Variants in PLPPR1 observed in about 807,000 individuals in gnomAD.
The protein encoded by PLPPR1 is phospholipid phosphatase related 1.
Under a neutral mutation model 33.1 loss-of-function variants are expected in PLPPR1, and 10 were observed. The observed-to-expected ratio is 0.30, with a 90% CI of 0.19 to 0.51. PLPPR1 has a LOEUF of 0.51. Among genes scored for constraint, PLPPR1 ranks in the 20% least tolerant of loss-of-function variants. The pLI, the probability that PLPPR1 is intolerant of heterozygous loss-of-function variation, is 0.97. For missense variants in PLPPR1, 304 were observed against 408.1 expected, an observed-to-expected ratio of 0.74 and a Z score of 2.20; for synonymous variants, 151 against 151.0, an observed-to-expected ratio of 1.00 and a Z score of 0.00.
chr9:101,203,230 A>G (rs1038196983), intron 2 of PLPPR1, among the ~76,000 whole-genome samples: 1 of 152,178 alleles, frequency 6.6e-6, no homozygotes, highest in Admixed American at 6.5e-5. Flanking sequence ...TATGTTACAG[A>G]TGGAGCAAGA....
At chr9:101,177,421 G>A (rs1275724066) in intron 1 of PLPPR1, among the ~76,000 whole-genome samples, 1 of 152,128 alleles carries the variant, frequency 6.6e-6, no homozygotes, top group Non-Finnish European at 1.5e-5. Flanking sequence ...CATTGTTAGT[G>A]TATAGAAACA....
intron 1 of PLPPR1, among the ~76,000 whole-genome samples, chr9:101,033,147 A>G (rs1296616444): frequency 6.6e-6 from 1 of 152,160 alleles, no homozygotes; most frequent in Non-Finnish European, 1.5e-5. Context: ...CCCTTACTGA[A>G]CCAAGCCCAA....
intron 1 of PLPPR1, among the ~76,000 whole-genome samples, chr9:101,145,455 C>G (rs1287152137): frequency 6.6e-6 from 1 of 152,082 alleles, no homozygotes; most frequent in South Asian, 2.1e-4. Context: ...GATCTTGGCT[C>G]ACTGCAACCT....
intron 1 of PLPPR1, among the ~76,000 whole-genome samples, chr9:101,061,442 T>C (rs1440176763): frequency 6.6e-6 from 1 of 151,978 alleles, no homozygotes; most frequent in African/African-American, 2.4e-5. Flanking sequence ...CTCTGCATGA[T>C]ACACTTCTGA....
intron 1 of PLPPR1, chr9:101,131,687 C>G (rs1484630193): frequency 6.6e-6 from 1 of 152,172 alleles, no homozygotes; most frequent in Non-Finnish European, 1.5e-5. Context: ...TCCACAGAGT[C>G]TGAGAAAGGT....
intron 1 of PLPPR1, among the ~76,000 whole-genome samples, chr9:101,072,145 C>T (rs538429532): frequency 9.2e-5 from 14 of 152,248 alleles, no homozygotes; most frequent in Admixed American, 3.3e-4. Flanking sequence ...GATATCCCTA[C>T]AGTCTAGCGT....
intron 2 of PLPPR1, among the ~76,000 whole-genome samples, chr9:101,231,155 CAG>C (rs1827176433): frequency 6.6e-6 from 1 of 151,866 alleles, no homozygotes; most frequent in Admixed American, 6.6e-5. Context: ...GCTCCAAGGC[CAG>C]AGTTTTTCTT....
At chr9:101,236,328 A>G (rs1052265546) in intron 2 of PLPPR1, among the ~76,000 whole-genome samples, 12 of 151,762 alleles carry the variant, frequency 7.9e-5, no homozygotes, top group African/African-American at 2.4e-4. Context: ...CTTTTGCTGT[A>G]ACAAATCTAA....
At chr9:101,079,583 CTT>C (rs11361751) in intron 1 of PLPPR1, among the ~76,000 whole-genome samples, 162 of 138,688 alleles carry the variant, frequency 1.2e-3, no homozygotes, top group Middle Eastern at 3.7e-3. Flanking sequence ...TTTTGATTGC[CTT>C]TTTTTTTTTT....
chr9:101,160,974 A>C (rs574956209), intron 1 of PLPPR1, among the ~76,000 whole-genome samples: 142 of 152,310 alleles, frequency 9.3e-4, no homozygotes, highest in Middle Eastern at 6.8e-3. Flanking sequence ...GAAAAAGAAT[A>C]TCTCTCAGTT....
chr9:101,101,153 A>T (rs1206466132), intron 1 of PLPPR1, among the ~76,000 whole-genome samples: 1 of 151,998 alleles, frequency 6.6e-6, no homozygotes, highest in Non-Finnish European at 1.5e-5. Context: ...ATGGTTCTTG[A>T]CTTTTTTGTG....
At chr9:101,228,695 T>C (rs887106041) in intron 2 of PLPPR1, among the ~76,000 whole-genome samples, 25 of 152,080 alleles carry the variant, frequency 1.6e-4, no homozygotes, top group African/African-American at 6.0e-4. Context: ...ATGAGATTAT[T>C]TAAAAGCAGA....
chr9:101,161,159 C>T (rs899390776), intron 1 of PLPPR1, among the ~76,000 whole-genome samples: 1 of 152,096 alleles, frequency 6.6e-6, no homozygotes, highest in Non-Finnish European at 1.5e-5. Context: ...GAGCTGACTA[C>T]AAATGGAACA....
intron 1 of PLPPR1, among the ~76,000 whole-genome samples, chr9:101,079,443 A>G (rs1345845638): frequency 2.6e-5 from 4 of 152,122 alleles, no homozygotes; most frequent in African/African-American, 9.7e-5. Context: ...TTTGTTTTAG[A>G]ATTTTCATGT....
At position 101,310,384 on chromosome 9, in the gene PLPPR1, A is replaced by G. The variant is rs560810321; in HGVS notation, c.636+923A>G. Reference sequence around the variant, plus strand: ...TACTTCAACTTATTTTATATTCAGAATATGACTAGTCTGGTAATTCTCAAT... The same window carrying G: ...TACTTCAACTTATTTTATATTCAGAGTATGACTAGTCTGGTAATTCTCAAT... On this transcript the variant is annotated intron_variant, in intron 5 of 7. Coordinates refer to ENST00000374874, the MANE Select transcript of PLPPR1 (RefSeq NM_207299.2). Among the ~76,000 whole-genome samples, 21 of 152,314 alleles carry G rather than the reference A, an allele frequency of 1.4e-4. No individual in the cohort carries two copies. In the East Asian group the frequency reaches 3.9e-3, roughly 28 times the overall value.
chr9:101,239,934 C>G (rs776489139), intron 2 of PLPPR1, among the ~76,000 whole-genome samples: 2 of 151,900 alleles, frequency 1.3e-5, no homozygotes, highest in Non-Finnish European at 2.9e-5. Flanking sequence ...TTGTTGTTGC[C>G]TGTGCTTTTG....
chr9:101,267,951 G>A (rs1277110719), intron 2 of PLPPR1, among the ~76,000 whole-genome samples: 1 of 152,136 alleles, frequency 6.6e-6, no homozygotes, highest in Non-Finnish European at 1.5e-5. Context: ...CATGTCCTTT[G>A]TAGGGACATG....
intron 1 of PLPPR1, among the ~76,000 whole-genome samples, chr9:101,155,381 G>T (rs995021051): frequency 6.6e-6 from 1 of 152,158 alleles, no homozygotes; most frequent in Non-Finnish European, 1.5e-5. Context: ...CTTGCATCTG[G>T]TGAGAGCCTT....
intron 2 of PLPPR1, among the ~76,000 whole-genome samples, chr9:101,244,593 C>T (rs925018062): frequency 1.3e-5 from 2 of 151,712 alleles, no homozygotes; most frequent in Non-Finnish European, 2.9e-5. Context: ...AAAATTCAGT[C>T]TCTCATTTCA....
Sources: allele counts gnomAD v4.1 joint callset (sites outside exome capture counted in the v4.1 genomes callset), GRCh38; gene constraint gnomAD v4.1.1; transcripts MANE v1.5; gene names NCBI Gene and HGNC (gene_info 2026-07-23, HGNC 2026-07-21).